TTLL5: variants seen among roughly 807,000 people sequenced by gnomAD.
TTLL5 encodes tubulin polyglutamylase TTLL5.
In TTLL5, 132 loss-of-function variants were observed where a neutral mutation model predicts 168.4. The observed-to-expected ratio is 0.78, with a 90% CI of 0.68 to 0.91. The LOEUF (loss-of-function observed/expected upper bound fraction) is 0.91. Among genes scored for constraint, TTLL5 ranks in the 40% least tolerant of loss-of-function variants. TTLL5 has a pLI of 0.00. For missense variants in TTLL5, 1,545 were observed against 1,581.5 expected (o/e 0.98, Z 0.39); for synonymous variants, 546 against 558.6 (o/e 0.98, Z 0.32).
At chr14:75,670,082 A>G (rs1171108726) in intron 3 of TTLL5, among the ~76,000 whole-genome samples, 2 of 152,198 alleles carry the variant, frequency 1.3e-5, no homozygotes, top group Non-Finnish European at 2.9e-5. Flanking sequence ...TGGAGTATAT[A>G]TCAGTCCTTT....
At chr14:75,699,074 T>C (rs1886074529) in intron 6 of TTLL5, 114 bp from the exon 7 acceptor site, 2 of 857,282 alleles carry the variant, frequency 2.3e-6, no homozygotes, top group Non-Finnish European at 3.8e-6. Flanking sequence ...TAGAAATTTG[T>C]AAGATTTTTG....
At chr14:75,756,388 A>T (rs1359779093) in intron 18 of TTLL5, among the ~76,000 whole-genome samples, 1 of 152,164 alleles carries the variant, frequency 6.6e-6, no homozygotes. Context: ...AACATAGGGG[A>T]TCTTCATGGT....
chr14:75,839,173 G>A lies in TTLL5; in HGVS notation c.3326+19012G>A, dbSNP rs1246456509. On this transcript the variant is annotated intron_variant, in intron 28 of 31. Transcript: ENST00000298832. ...CTTGCTTCTGTGAGCTCTGTGGTGTGGGCCCTGAGCACACCTGCGGTCTAG... is the reference window on the plus strand; with the variant it reads ...CTTGCTTCTGTGAGCTCTGTGGTGTAGGCCCTGAGCACACCTGCGGTCTAG... 3 of 152,500 alleles carry A rather than the reference G, an allele frequency of 2.0e-5. No individual in the cohort carries two copies. The East Asian group carries it at 5.8e-4, about 29-fold the overall frequency. The allele number at this position is 152,500 out of a possible 1,614,324, so 9.4% of individuals were successfully genotyped here.
chr14:75,802,290 G>A (rs1893368076), intron 27 of TTLL5, among the ~76,000 whole-genome samples: 1 of 151,120 alleles, frequency 6.6e-6, no homozygotes, highest in Admixed American at 6.6e-5. Flanking sequence ...TTCACTCTTG[G>A]TATTTTTTTC....
At chr14:75,790,820 G>T (rs1181088988) in intron 26 of TTLL5, among the ~76,000 whole-genome samples, 2 of 150,300 alleles carry the variant, frequency 1.3e-5, no homozygotes, top group African/African-American at 2.4e-5. Flanking sequence ...TTTGGGGCCG[G>T]GTGCGGTGGC....
chr14:75,905,894 G>A (rs112227642), intron 31 of TTLL5, among the ~76,000 whole-genome samples: 8 of 152,234 alleles, frequency 5.3e-5, no homozygotes, highest in African/African-American at 1.9e-4. Flanking sequence ...TTATTTTTAA[G>A]CTCTTAGTAG....
chr14:75,773,483 A>G (rs1891467617), intron 21 of TTLL5, among the ~76,000 whole-genome samples: 1 of 152,188 alleles, frequency 6.6e-6, no homozygotes, highest in Non-Finnish European at 1.5e-5. Context: ...AAAAAGAATA[A>G]CCACTGCGGA....
intron 31 of TTLL5, among the ~76,000 whole-genome samples, chr14:75,920,388 C>T (rs1057195785): frequency 6.6e-6 from 1 of 152,044 alleles, no homozygotes; most frequent in Non-Finnish European, 1.5e-5. Context: ...AATGCTATTC[C>T]TCCCCCAGTT....
At chr14:75,773,927 T>TATAGAGAGAGAGAGAGAG (rs1354936334) in intron 21 of TTLL5, among the ~76,000 whole-genome samples, 5 of 21,120 alleles carry the variant, frequency 2.4e-4, no homozygotes, top group East Asian at 9.9e-4. Flanking sequence ...TATATATATA[T>TATAGAGAGAGAGAGAGAG]AGAGAGAGAG....
At chr14:75,766,000 G>A in intron 19 of TTLL5, 62 bp from the exon 20 acceptor site, 1 of 1,449,814 alleles carries the variant, frequency 6.9e-7, no homozygotes, top group Non-Finnish European at 9.4e-7. Flanking sequence ...GAAAAGGAAG[G>A]TATTGGGAGA....
chr14:75,856,026 G>A (rs1897107804), intron 28 of TTLL5, among the ~76,000 whole-genome samples: 1 of 152,196 alleles, frequency 6.6e-6, no homozygotes. Context: ...TCTTATAACT[G>A]TGCACAAGGA....
At chr14:75,901,628 G>A (rs1000223734) in intron 30 of TTLL5, among the ~76,000 whole-genome samples, 1 of 152,228 alleles carries the variant, frequency 6.6e-6, no homozygotes, top group African/African-American at 2.4e-5. Flanking sequence ...GCACCCCACA[G>A]TTGTGATAAC....
chr14:75,703,851 C>T (rs12436752), intron 7 of TTLL5, among the ~76,000 whole-genome samples: 5,124 of 152,204 alleles, frequency 0.034, 127 homozygotes, highest in Non-Finnish European at 0.05. Flanking sequence ...TGTTGTCACT[C>T]CTTAAAAGCT....
At chr14:75,745,060 A>AT in intron 15 of TTLL5, 35 bp from the exon 16 acceptor site, 2 of 1,584,864 alleles carry the variant, frequency 1.3e-6, no homozygotes, top group Non-Finnish European at 1.7e-6. Context: ...AAACTTAAAA[A>AT]ATTTTTTTTA....
chr14:75,842,867 C>A (rs553712223), intron 28 of TTLL5, among the ~76,000 whole-genome samples: 2 of 152,260 alleles, frequency 1.3e-5, no homozygotes, highest in East Asian at 1.9e-4. Context: ...CACGCCTTAA[C>A]CCTTCCATAC....
At chr14:75,770,524 C>T (rs951726391) in intron 20 of TTLL5, among the ~76,000 whole-genome samples, 2 of 152,182 alleles carry the variant, frequency 1.3e-5, no homozygotes, top group Non-Finnish European at 2.9e-5. Flanking sequence ...CCCTAATCTT[C>T]GCTGATATAA....
Position 75,752,989 on chromosome 14 carries a change from G to T in TTLL5, c.1550+34G>T, listed in dbSNP as rs1366484950. 1.9e-6 allele frequency: 3 copies of T among 1,579,862 alleles called. No homozygotes were observed. In the East Asian group the frequency reaches 6.7e-5, roughly 35 times the overall value. On this transcript the variant is annotated intron_variant, in intron 18 of 31. Transcript: ENST00000298832. ...TTGCTAAACTTTAAATTTAGGACTA[G>T]ATCACAAGATTAACAGAAAGTACAT...
At position 75,941,737 on chromosome 14, in the gene TTLL5, C is replaced by T. The variant is rs192351488; in HGVS notation, c.3824-12687C>T. On this transcript the variant is annotated intron_variant, in intron 31 of 31. Coordinates refer to ENST00000298832, the MANE Select transcript of TTLL5 (RefSeq NM_015072.5). ...TGGTCTTGAATCCTGAACTCTTGAG[C>T]TCAAGTGATTCTCCCTCCTCAGCCT... Among the ~76,000 whole-genome samples the T allele has an allele frequency of 4.0e-4, 60 of 151,828 alleles. 4 individuals are homozygous for T. In the East Asian group the frequency reaches 5.2e-3, roughly 13 times the overall value.
chr14:75,798,301 C>T (rs1265778257), intron 27 of TTLL5, among the ~76,000 whole-genome samples: 1 of 151,750 alleles, frequency 6.6e-6, no homozygotes, highest in Non-Finnish European at 1.5e-5. Flanking sequence ...CTCTTGCTTC[C>T]CTTCTAATTG....
Sources: gnomAD v4.1 joint callset for allele counts (sites outside exome capture counted in the v4.1 genomes callset) on GRCh38, gnomAD v4.1.1 for gene constraint, MANE v1.5 for transcripts, NCBI Gene and HGNC (gene_info 2026-07-23, HGNC 2026-07-21) for gene names.